PRKCA: variants seen among roughly 807,000 people sequenced by gnomAD.
The protein encoded by PRKCA is protein kinase C alpha.
In PRKCA, 27 loss-of-function variants were observed where a neutral mutation model predicts 87.0. The observed-to-expected ratio is 0.31, with a 90% confidence interval of 0.23 to 0.43. The LOEUF is 0.43. PRKCA is among the 20% of genes least tolerant of loss of function. PRKCA has a pLI of 1.00. For missense variants in PRKCA, 518 were observed against 852.3 expected (o/e 0.61, Z 4.88); for synonymous variants, 329 against 311.1 (o/e 1.06, Z -0.61).
At position 66,435,507 on chromosome 17, in the gene PRKCA, G is replaced by A. The variant is rs185622204; in HGVS notation, c.206-60694G>A. On this transcript the variant is annotated intron_variant, in intron 2 of 16. Coordinates refer to ENST00000413366, the MANE Select transcript of PRKCA (RefSeq NM_002737.3). ...GAATCACAGATGCCGCCTACAAAAG[G>A]TATCTATAAGGTATCTATGTTCCAT... 3.9e-3 allele frequency among the ~76,000 whole-genome samples: 600 copies of A among 152,280 alleles called. 4 individuals are homozygous for A. The highest frequency in any genetic ancestry group is 6.5e-3 in the Non-Finnish European group (442 of 68,032).
chr17:66,510,981 C>T (rs228876), intron 3 of PRKCA, among the ~76,000 whole-genome samples: 2 of 152,020 alleles, frequency 1.3e-5, no homozygotes, highest in Admixed American at 1.3e-4. Context: ...TCCGGTACTC[C>T]GGTGATCTGC....
At chr17:66,432,318 G>T (rs1308258621) in intron 2 of PRKCA, among the ~76,000 whole-genome samples, 1 of 152,102 alleles carries the variant, frequency 6.6e-6, no homozygotes, top group Non-Finnish European at 1.5e-5. Flanking sequence ...CCCGTGTACT[G>T]GTTCTGAGCT....
At chr17:66,664,692 C>G (rs1447693684) in intron 5 of PRKCA, among the ~76,000 whole-genome samples, 1 of 98,392 alleles carries the variant, frequency 1.0e-5, no homozygotes, top group African/African-American at 3.9e-5. Context: ...CTTGCTGTTT[C>G]ACTCAGGCTG....
chr17:66,385,853 G>T (rs183303794), intron 2 of PRKCA, among the ~76,000 whole-genome samples: 1 of 152,124 alleles, frequency 6.6e-6, no homozygotes, highest in African/African-American at 2.4e-5. Context: ...TGCCTCCTGG[G>T]GTCAAGCAAT....
At chr17:66,409,195 G>A (rs1379803663) in intron 2 of PRKCA, among the ~76,000 whole-genome samples, 2 of 152,252 alleles carry the variant, frequency 1.3e-5, no homozygotes, top group Non-Finnish European at 2.9e-5. Flanking sequence ...GAATATACCA[G>A]GGCTGGGATG....
At chr17:66,308,119 A>G (rs1384471054) in intron 2 of PRKCA, among the ~76,000 whole-genome samples, 1 of 152,152 alleles carries the variant, frequency 6.6e-6, no homozygotes, top group Non-Finnish European at 1.5e-5. Context: ...TACTAGTACA[A>G]ATACCTTTGT....
At chr17:66,711,057 A>T (rs576363257) in intron 8 of PRKCA, among the ~76,000 whole-genome samples, 23 of 151,844 alleles carry the variant, frequency 1.5e-4, no homozygotes, top group African/African-American at 3.9e-4. Flanking sequence ...ATAAATAAAT[A>T]AAATAAATAA....
At chr17:66,546,901 G>A (rs1052023882) in intron 3 of PRKCA, among the ~76,000 whole-genome samples, 3 of 152,086 alleles carry the variant, frequency 2.0e-5, no homozygotes, top group Non-Finnish European at 4.4e-5. Flanking sequence ...ATCACATATG[G>A]TGTAAGAACC....
chr17:66,747,923 G>C (rs1305450007), intron 13 of PRKCA, among the ~76,000 whole-genome samples: 2 of 152,212 alleles, frequency 1.3e-5, no homozygotes, highest in African/African-American at 4.8e-5. Flanking sequence ...AGGCCGGGGG[G>C]TGCCGGGCCA....
Position 66,587,568 on chromosome 17 carries a change from G to GAT in PRKCA, c.289-53777_289-53776dup, listed in dbSNP as rs562304887. On this transcript the variant is annotated intron_variant, in intron 3 of 16. Coordinates refer to ENST00000413366, the MANE Select transcript of PRKCA (RefSeq NM_002737.3). ...TTCCACATTTCTGCTCTTTTAAACA[G>GAT]ATATATATATAGATAGATAGACAGA... 3.0e-4 allele frequency among the ~76,000 whole-genome samples: 45 copies of GAT among 151,236 alleles called. No homozygotes were observed. The East Asian group carries it at 3.9e-3, about 13-fold the overall frequency.
At chr17:66,750,761 C>T (rs1974410465) in intron 13 of PRKCA, among the ~76,000 whole-genome samples, 1 of 152,160 alleles carries the variant, frequency 6.6e-6, no homozygotes, top group Admixed American at 6.5e-5. Context: ...TTTGTTTAAT[C>T]CTAAGTCAAT....
At chr17:66,379,268 A>G (rs939071511) in intron 2 of PRKCA, among the ~76,000 whole-genome samples, 3 of 152,220 alleles carry the variant, frequency 2.0e-5, no homozygotes, top group Non-Finnish European at 4.4e-5. Flanking sequence ...TTACAATCCT[A>G]CCAGCAGTAT....
intron 2 of PRKCA, among the ~76,000 whole-genome samples, chr17:66,419,529 A>G (rs867462671): frequency 6.6e-6 from 1 of 152,202 alleles, no homozygotes; most frequent in South Asian, 2.1e-4. Context: ...CTCATTTTAT[A>G]ATTAATTTTT....
intron 14 of PRKCA, among the ~76,000 whole-genome samples, chr17:66,778,702 G>A (rs1054917248): frequency 1.2e-4 from 19 of 152,014 alleles, no homozygotes; most frequent in Admixed American, 2.6e-4. Flanking sequence ...TGAGCTGGGC[G>A]TGGTGGCAAG....
chr17:66,520,203 C>T (rs541559317), intron 3 of PRKCA, among the ~76,000 whole-genome samples: 6 of 151,262 alleles, frequency 4.0e-5, no homozygotes, highest in African/African-American at 9.7e-5. Flanking sequence ...CTCAGCTCGC[C>T]GCAACCTCCT....
At position 66,448,875 on chromosome 17, in the gene PRKCA, A is replaced by G. The variant is rs561273800; in HGVS notation, c.206-47326A>G. 1.1e-3 allele frequency among the ~76,000 whole-genome samples: 170 copies of G among 152,086 alleles called. 4 individuals carry two copies. In the South Asian group the frequency reaches 0.033, roughly 30 times the overall value. ...GATTCTGGCAAAAAAAAAAAAATCT[A>G]AAAGTTTTTTAAACTTATTGAATCT... is the stretch of plus-strand genomic sequence containing the variant. On this transcript the variant is annotated intron_variant, in intron 2 of 16. Coordinates refer to ENST00000413366, the MANE Select transcript of PRKCA (RefSeq NM_002737.3).
chr17:66,416,166 C>T (rs1912134167), intron 2 of PRKCA: 2 of 152,204 alleles, frequency 1.3e-5, no homozygotes, highest in Admixed American at 6.5e-5. Flanking sequence ...ACTGTTGTCA[C>T]CTGCCTCTAC....
At chr17:66,746,971 A>T (rs1409572664) in intron 13 of PRKCA, among the ~76,000 whole-genome samples, 1 of 152,226 alleles carries the variant, frequency 6.6e-6, no homozygotes, top group Non-Finnish European at 1.5e-5. Context: ...TGGAAGAAAG[A>T]GAAGCAGGAA....
intron 5 of PRKCA, among the ~76,000 whole-genome samples, chr17:66,683,605 T>TG (rs992975662): frequency 9.3e-5 from 14 of 149,948 alleles, no homozygotes; most frequent in African/African-American, 1.5e-4. Flanking sequence ...TATCTTTTTT[T>TG]GGGGGGGTCG....
Sources: gnomAD v4.1 joint callset for allele counts (sites outside exome capture counted in the v4.1 genomes callset) on GRCh38, gnomAD v4.1.1 for gene constraint, MANE v1.5 for transcripts, NCBI Gene and HGNC (gene_info 2026-07-23, HGNC 2026-07-21) for gene names.